Variants in CREM observed in about 807,000 individuals in gnomAD.
CREM encodes the protein cAMP responsive element modulator, also known as cAMP-responsive element modulator.
CREM carries 13 observed loss-of-function variants against 37.3 expected under a neutral mutation model. The observed-to-expected ratio is 0.35, with a 90% CI of 0.23 to 0.55. CREM has a LOEUF of 0.55. Ranked by LOEUF, CREM falls within the 20% of genes least tolerant of loss-of-function variation. CREM has a pLI of 0.88. For missense variants in CREM, 296 were observed against 362.3 expected (o/e 0.82, Z 1.49); for synonymous variants, 124 against 120.2 (o/e 1.03, Z -0.21).
chr10:35,183,312 G>A (rs186406458), intron 5 of CREM, among the ~76,000 whole-genome samples: 3 of 152,222 alleles, frequency 2.0e-5, no homozygotes, highest in Admixed American at 2.0e-4. Flanking sequence ...GAATTCTCAG[G>A]AGGCTCACGA....
intron 7 of CREM, among the ~76,000 whole-genome samples, chr10:35,209,037 A>C (rs1419786379): frequency 6.6e-6 from 1 of 152,190 alleles, no homozygotes; most frequent in Non-Finnish European, 1.5e-5. Flanking sequence ...TTAAGGAATA[A>C]GTTGGTCAAG....
chr10:35,209,844 G>C (rs2095624721), intron 7 of CREM, among the ~76,000 whole-genome samples: 1 of 152,112 alleles, frequency 6.6e-6, no homozygotes, highest in Non-Finnish European at 1.5e-5. Flanking sequence ...GATTAAATTA[G>C]TCACTATAAC....
intron 5 of CREM, among the ~76,000 whole-genome samples, chr10:35,184,293 G>A (rs904526919): frequency 4.6e-5 from 7 of 152,082 alleles, no homozygotes; most frequent in African/African-American, 1.7e-4. Flanking sequence ...AATTCATTCA[G>A]TTAATTTCAT....
At chr10:35,150,475 T>G (rs1019607496) in intron 3 of CREM, among the ~76,000 whole-genome samples, 2 of 152,150 alleles carry the variant, frequency 1.3e-5, no homozygotes, top group Admixed American at 1.3e-4. Flanking sequence ...AATTTGCAAT[T>G]CTGAGGACCT....
intron 6 of CREM, among the ~76,000 whole-genome samples, chr10:35,198,352 G>A (rs971988200): frequency 3.0e-4 from 45 of 151,754 alleles, no homozygotes; most frequent in Admixed American, 1.3e-3. Flanking sequence ...GTGAAACCCC[G>A]TCTCTACTAA....
At chr10:35,157,635 CA>C (rs71523362) in intron 3 of CREM, among the ~76,000 whole-genome samples, 33,517 of 87,136 alleles carry the variant, frequency 0.38, 3,682 homozygotes, top group South Asian at 0.42. Context: ...GACCCTGTCT[CA>C]AAAAAAAAAA....
chr10:35,163,582 C>T (rs2093397786), intron 3 of CREM, among the ~76,000 whole-genome samples: 1 of 152,164 alleles, frequency 6.6e-6, no homozygotes, highest in Non-Finnish European at 1.5e-5. Flanking sequence ...CTTTGGGAAG[C>T]TGAGGCAGTC....
chr10:35,178,785 G>C (rs940704714), intron 3 of CREM, 104 bp from the exon 4 acceptor site: 2 of 805,494 alleles, frequency 2.5e-6, no homozygotes, highest in Non-Finnish European at 3.9e-6. Context: ...TGCTTCCACA[G>C]CTCCTGGCTC....
intron 6 of CREM, chr10:35,196,108 G>A (rs766316157): frequency 1.9e-6 from 3 of 1,613,958 alleles, no homozygotes; most frequent in African/African-American, 2.7e-5. Flanking sequence ...TGGTAAGATC[G>A]AGCCTCCTAC....
Position 35,194,097 on chromosome 10 carries a change from CA to C in CREM, c.598+5736del, listed in dbSNP as rs371978117. Among the ~76,000 whole-genome samples the C allele has an allele frequency of 5.3e-3, 134 of 25,050 alleles. 1 individual carries two copies. The highest frequency in any genetic ancestry group is 0.015 in the South Asian group (5 of 332). 16.4% of individuals were successfully genotyped at this position (25,050 alleles called of 152,430 possible). ...GGGGGAGAATAGCGAGACTTCATCT[CA>C]AAAAAAAAAAAAAAAAAAAAAAAAA... On this transcript the variant is annotated intron_variant, in intron 6 of 7. Transcript: ENST00000685392.
At chr10:35,195,535 A>G (rs1180276714) in intron 6 of CREM, among the ~76,000 whole-genome samples, 2 of 148,366 alleles carry the variant, frequency 1.3e-5, no homozygotes, top group Non-Finnish European at 3.0e-5. Context: ...TCTCTTTCAT[A>G]TGCATACCAT....
intron 3 of CREM, among the ~76,000 whole-genome samples, chr10:35,163,186 GGT>G (rs2093377147): frequency 6.6e-6 from 1 of 151,784 alleles, no homozygotes; most frequent in African/African-American, 2.4e-5. Flanking sequence ...CTCCAGCCTG[GGT>G]GACAGAGCAA....
intron 5 of CREM, among the ~76,000 whole-genome samples, chr10:35,186,967 TTTA>T (rs1462141560): frequency 1.1e-5 from 1 of 94,010 alleles, no homozygotes; most frequent in Non-Finnish European, 1.9e-5. Flanking sequence ...AAATATATAA[TTTA>T]TATATTATAT....
intron 3 of CREM, 36 bp downstream of exon 3, chr10:35,148,527 A>G: frequency 6.3e-7 from 1 of 1,589,016 alleles, no homozygotes; most frequent in East Asian, 2.3e-5. Context: ...AAGTCAAAAT[A>G]TATGGAAATG....
At chr10:35,159,877 CAACCTGATTTTCTA>C (rs1346419040) in intron 3 of CREM, among the ~76,000 whole-genome samples, 1 of 152,148 alleles carries the variant, frequency 6.6e-6, no homozygotes. Flanking sequence ...AGTAAGAAAA[CAACCTGATTTTCTA>C]AAAATGTGCA....
chr10:35,148,440 T>C lies in CREM; in HGVS notation c.117T>C (p.Ser39=), dbSNP rs546079469. Residue 39 remains serine (S), a synonymous_variant, in exon 3 of 8, where the codon TCT becomes TCC. Coordinates refer to ENST00000685392, the MANE Select transcript of CREM (RefSeq NM_183011.2). ...CAGCTTCTTTGACAGAGAGCAAGTC[T>C]GCTCATGTGCAGACTCAGACTGGCC... ...SITASLTESK[S]AHVQTQTGQN... The C allele has an allele frequency of 2.5e-6, 4 of 1,613,806 alleles. No individual in the cohort carries two copies. The South Asian group carries it at 4.4e-5, about 18-fold the overall frequency.
chr10:35,149,289 C>T (rs2092399220), intron 3 of CREM, among the ~76,000 whole-genome samples: 1 of 152,146 alleles, frequency 6.6e-6, no homozygotes, highest in East Asian at 1.9e-4. Context: ...ATATTCTAGG[C>T]AGAGCGAAGA....
chr10:35,130,718 G>A (rs2089201288), intron 1 of CREM, among the ~76,000 whole-genome samples: 1 of 152,184 alleles, frequency 6.6e-6, no homozygotes, highest in African/African-American at 2.4e-5. Flanking sequence ...GTAACATGCT[G>A]TACAGGTTTT....
At chr10:35,138,733 T>G (rs184665473) in intron 2 of CREM, among the ~76,000 whole-genome samples, 2 of 151,210 alleles carry the variant, frequency 1.3e-5, no homozygotes, top group East Asian at 1.9e-4. Context: ...CTAAAAAAAA[T>G]TTTTTTTAGG....
Sources: gnomAD v4.1 joint callset for allele counts (sites outside exome capture counted in the v4.1 genomes callset) on GRCh38, gnomAD v4.1.1 for gene constraint, MANE v1.5 for transcripts, NCBI Gene and HGNC (gene_info 2026-07-23, HGNC 2026-07-21) for gene names.